PAQR3: variants seen among roughly 807,000 people sequenced by gnomAD.
PAQR3 encodes the protein Raf kinase trapping to Golgi.
Under a neutral mutation model 41.7 loss-of-function variants are expected in PAQR3, and 39 were observed. The observed-to-expected ratio is 0.93, with a 90% CI of 0.72 to 1.22. The LOEUF (loss-of-function observed/expected upper bound fraction) is 1.22. Ranked by LOEUF, PAQR3 falls within the 50% of genes most tolerant of loss-of-function variation. The pLI, the probability that PAQR3 is intolerant of heterozygous loss-of-function variation, is 0.00. For missense variants in PAQR3, 366 were observed against 385.6 expected (o/e 0.95, Z 0.42); for synonymous variants, 140 against 140.6 (o/e 1.00, Z 0.03).
In PAQR3 at chr4:78,928,634, A is replaced by G. The variant is rs117766616; in HGVS notation, c.504+1536T>C. Among the ~76,000 whole-genome samples, 52 of 152,306 alleles carry G rather than the reference A, an allele frequency of 3.4e-4. No homozygotes were observed. In the East Asian group the frequency reaches 0.01, roughly 29 times the overall value. The stretch of plus-strand genomic sequence containing the variant: ...TCTTCCCAATAAGTGAAGTCTGGGG[A>G]CTGTGCCTTAGAGCAGTGGTCTCCA... On this transcript the variant is annotated intron_variant, in intron 3 of 5. Coordinates refer to ENST00000512733, the MANE Select transcript of PAQR3 (RefSeq NM_001040202.2).
At position 78,919,068 on chromosome 4, in the gene PAQR3, T is replaced by G. The variant is rs1031495960; in HGVS notation, c.*1471A>C. The G allele has an allele frequency of 3.2e-5, 32 of 984,958 alleles. No individual in the cohort carries two copies. In the Admixed American group the frequency reaches 5.6e-4, roughly 17 times the overall value. The allele number at this position is 984,958 out of a possible 1,614,324, so 61.0% of individuals were successfully genotyped here. A position where few individuals can be genotyped will look rare whatever the true frequency, so the allele number is the denominator to read the frequency against. ...AGATACTATACTAGCATGGGGAATTTATATTCCAAAAACACTACACTGGAA... is the reference window on the plus strand; with the variant it reads ...AGATACTATACTAGCATGGGGAATTGATATTCCAAAAACACTACACTGGAA... On this transcript the variant is annotated 3_prime_UTR_variant, in exon 6 of 6. Transcript: ENST00000512733.
intron 11 of PAQR3, among the ~76,000 whole-genome samples, chr4:78,904,359 T>C (rs1239898118): frequency 6.6e-6 from 1 of 151,946 alleles, no homozygotes; most frequent in Non-Finnish European, 1.5e-5. Flanking sequence ...TGCTTCAGGA[T>C]ATTAGTTCCT....
downstream of PAQR3, chr4:78,911,428 G>A (rs1021245079): frequency 3.1e-6 from 5 of 1,613,922 alleles, no homozygotes; most frequent in Non-Finnish European, 3.4e-6. Context: ...GCCCTTTGAT[G>A]AAATAACGGG....
At chr4:78,889,220 C>CAAA (rs71661191) in intron 11 of PAQR3, among the ~76,000 whole-genome samples, 50 of 53,364 alleles carry the variant, frequency 9.4e-4, no homozygotes, top group African/African-American at 1.6e-3. Context: ...GACTCTGTCT[C>CAAA]AAAAAAAAAA....
chr4:78,889,781 C>T (rs917195230), intron 11 of PAQR3, among the ~76,000 whole-genome samples: 1 of 152,136 alleles, frequency 6.6e-6, no homozygotes, highest in Non-Finnish European at 1.5e-5. Context: ...ATGCGATAAG[C>T]CATCTTATTT....
chr4:78,935,078 A>G (rs201989655), intron 2 of PAQR3, 43 bp downstream of exon 2: 299 of 1,595,078 alleles, frequency 1.9e-4, no homozygotes, highest in Admixed American at 1.8e-3. Flanking sequence ...CTGCCTGTCA[A>G]AAAGTTCTCT....
At chr4:78,926,754 T>C in intron 3 of PAQR3, 36 bp from the exon 4 acceptor site, 2 of 1,584,506 alleles carry the variant, frequency 1.3e-6, no homozygotes, top group Non-Finnish European at 1.7e-6. Flanking sequence ...AATTCTGTTA[T>C]TAACAATAAA....
chr4:78,907,877 G>T (rs1734366303), downstream of PAQR3, among the ~76,000 whole-genome samples: 1 of 152,132 alleles, frequency 6.6e-6, no homozygotes, highest in South Asian at 2.1e-4. Flanking sequence ...TGTGGCTGTG[G>T]GTGGGTATGC....
rs1735152665 is a variant in PAQR3 at position 78,917,074 on chromosome 4, T to C, written c.*3465A>G. 6.6e-6 allele frequency: 1 copy of C among 151,970 alleles called. No individual in the cohort carries two copies. Among genetic ancestry groups the C allele is most frequent in the African/African-American group, 2.4e-5 (1 of 41,430 alleles). 9.4% of individuals were successfully genotyped at this position (151,970 alleles called of 1,614,324 possible). The stretch of plus-strand genomic sequence containing the variant: ...TTAGAAAAGTTCTATTAACAAAGAA[T>C]AGTTTGCAGTGTATTACTGTTCAAA... On this transcript the variant is annotated 3_prime_UTR_variant, in exon 6 of 6. Transcript: ENST00000512733.
intron 5 of PAQR3, among the ~76,000 whole-genome samples, chr4:78,921,046 T>C (rs1560571347): frequency 6.6e-6 from 1 of 151,950 alleles, no homozygotes; most frequent in Non-Finnish European, 1.5e-5. Context: ...AAAATCATGG[T>C]GTGATTTAGG....
In PAQR3 at chr4:78,911,967, G is replaced by C. The variant is rs1173897651; in HGVS notation, c.*8572C>G. ...TGGTGCAAAGCATCACTCCACATCA[G>C]TCCCAACAGTCCCAACCAGTCGAAT... is the stretch of plus-strand genomic sequence containing the variant. On this transcript the variant is annotated 3_prime_UTR_variant, in exon 6 of 6. Coordinates refer to ENST00000512733, the MANE Select transcript of PAQR3 (RefSeq NM_001040202.2). The C allele has an allele frequency of 6.2e-7, 1 of 1,613,778 alleles. No individual in the cohort carries two copies.
At chr4:78,920,792 T>TGCC in intron 5 of PAQR3, 111 bp from the exon 6 acceptor site, 1 of 1,199,486 alleles carries the variant, frequency 8.3e-7, no homozygotes, top group Non-Finnish European at 1.1e-6. Context: ...AGTCTCAGAG[T>TGCC]GCCTAGAGAC....
intron 11 of PAQR3, among the ~76,000 whole-genome samples, chr4:78,903,996 C>G (rs12644502): frequency 4.6e-5 from 7 of 151,700 alleles, no homozygotes; most frequent in Non-Finnish European, 7.4e-5. Context: ...AGATTTCTTA[C>G]GTATAAAAAG....
intron 11 of PAQR3, among the ~76,000 whole-genome samples, chr4:78,902,268 A>G (rs1734048817): frequency 6.6e-6 from 1 of 152,178 alleles, no homozygotes; most frequent in African/African-American, 2.4e-5. Flanking sequence ...TGTAAATAGC[A>G]AAACAAAGCA....
chr4:78,919,479 T>C lies in PAQR3; in HGVS notation c.*1060A>G, dbSNP rs1487304910. The C allele has an allele frequency of 5.1e-6, 5 of 984,994 alleles. No homozygotes were observed. Among genetic ancestry groups the C allele is most frequent in the Non-Finnish European group, 6.0e-6 (5 of 829,744 alleles). The allele number at this position is 984,994 out of a possible 1,614,324, so 61.0% of individuals were successfully genotyped here. A position where few individuals can be genotyped will look rare whatever the true frequency, so the allele number is the denominator to read the frequency against. The stretch of plus-strand genomic sequence containing the variant: ...CCCAAATATTAAGTGTTTATCAAGA[T>C]TCTGAGTTATCAATGCAATGCTAAC... On this transcript the variant is annotated 3_prime_UTR_variant, in exon 6 of 6. Coordinates refer to ENST00000512733, the MANE Select transcript of PAQR3 (RefSeq NM_001040202.2).
intron 2 of PAQR3, among the ~76,000 whole-genome samples, chr4:78,933,670 T>C (rs1418917126): frequency 2.0e-5 from 3 of 152,206 alleles, no homozygotes; most frequent in Non-Finnish European, 4.4e-5. Flanking sequence ...GAGAACAGGA[T>C]TTTACTGCCC....
intron 11 of PAQR3, chr4:78,899,011 G>T (rs1733858185): frequency 6.6e-6 from 1 of 152,660 alleles, no homozygotes; most frequent in African/African-American, 2.4e-5. Context: ...AAGCGAGGGG[G>T]ACCACCAGGT....
At chr4:78,921,613 C>A (rs764837243) in intron 5 of PAQR3, 25 of 882,522 alleles carry the variant, frequency 2.8e-5, no homozygotes, top group Non-Finnish European at 3.4e-5. Context: ...CAGAGATCCA[C>A]TCAATTCTAT....
downstream of PAQR3, chr4:78,911,754 C>A: frequency 6.2e-7 from 1 of 1,614,014 alleles, no homozygotes; most frequent in Non-Finnish European, 8.5e-7. Flanking sequence ...TGGACCCCTT[C>A]GGTGCCAAGC....
Sources: allele counts gnomAD v4.1 joint callset (sites outside exome capture counted in the v4.1 genomes callset), GRCh38; gene constraint gnomAD v4.1.1; transcripts MANE v1.5; gene names NCBI Gene and HGNC (gene_info 2026-07-23, HGNC 2026-07-21).